IGSF11: variants seen among roughly 807,000 people sequenced by gnomAD.
IGSF11 encodes CXADR like 1.
Under a neutral mutation model 41.0 loss-of-function variants are expected in IGSF11, and 22 were observed. The observed-to-expected ratio is 0.54, with a 90% CI of 0.38 to 0.77. The LOEUF (loss-of-function observed/expected upper bound fraction) is 0.77, where lower values mean the gene tolerates loss of function less well. Ranked by LOEUF, IGSF11 falls within the 30% of genes least tolerant of loss-of-function variation. The pLI, the probability that IGSF11 is intolerant of heterozygous loss-of-function variation, is 0.00. For missense variants in IGSF11, 444 were observed against 530.8 expected, an observed-to-expected ratio of 0.84 and a Z score of 1.61; for synonymous variants, 219 against 201.3, an observed-to-expected ratio of 1.09 and a Z score of -0.74.
chr3:118,975,705 A>G (rs1439527945), intron 1 of IGSF11, among the ~76,000 whole-genome samples: 1 of 152,148 alleles, frequency 6.6e-6, no homozygotes, highest in African/African-American at 2.4e-5. Flanking sequence ...GAATGATATC[A>G]TGTCCTTTGC....
chr3:119,014,323 A>ATTTTTT (rs1451532482), intron 1 of IGSF11, among the ~76,000 whole-genome samples: 19 of 152,356 alleles, frequency 1.2e-4, no homozygotes, highest in African/African-American at 4.6e-4. Flanking sequence ...AGCTACAGGC[A>ATTTTTT]ATGTATCCAA....
chr3:119,114,135 G>C (rs566914215), intron 1 of IGSF11, among the ~76,000 whole-genome samples: 1 of 152,218 alleles, frequency 6.6e-6, no homozygotes, highest in Non-Finnish European at 1.5e-5. Context: ...GGGAGGGGCT[G>C]CTGCAAAGGT....
intron 1 of IGSF11, among the ~76,000 whole-genome samples, chr3:119,046,115 T>C (rs1249465502): frequency 1.3e-5 from 2 of 151,122 alleles, no homozygotes; most frequent in Non-Finnish European, 2.9e-5. Flanking sequence ...ACGCAGCTCC[T>C]CACCAGCAAC....
chr3:119,113,795 T>C (rs1402428690), intron 1 of IGSF11, among the ~76,000 whole-genome samples: 1 of 152,240 alleles, frequency 6.6e-6, no homozygotes. Flanking sequence ...ACTGCCCTAG[T>C]AGAGGTTCTC....
At chr3:119,008,432 A>C (rs575451262) in intron 1 of IGSF11, among the ~76,000 whole-genome samples, 1 of 152,330 alleles carries the variant, frequency 6.6e-6, no homozygotes, top group East Asian at 1.9e-4. Context: ...GCACTATAGT[A>C]CACAGTCTAA....
intron 1 of IGSF11, among the ~76,000 whole-genome samples, chr3:119,126,796 A>C (rs2077410286): frequency 6.6e-6 from 1 of 151,536 alleles, no homozygotes; most frequent in South Asian, 2.1e-4. Context: ...CTGACTATTG[A>C]AAGAAAAACA....
rs1938971145 is a variant in IGSF11 at position 118,902,400 on chromosome 3, G to A, written c.*120C>T. The stretch of plus-strand genomic sequence containing the variant: ...AAGTAACAGCACTGCCTTCTTCTTT[G>A]TGCATTTTACTAATATAATTATAAG... On this transcript the variant is annotated 3_prime_UTR_variant, in exon 7 of 7. Transcript: ENST00000393775. 5 of 780,654 alleles carry A rather than the reference G, an allele frequency of 6.4e-6. No homozygotes were observed. Among genetic ancestry groups the A allele is most frequent in the Non-Finnish European group, 1.0e-5 (5 of 482,202 alleles). 48.4% of individuals were successfully genotyped at this position (780,654 alleles called of 1,614,324 possible).
intron 1 of IGSF11, among the ~76,000 whole-genome samples, chr3:119,061,205 C>A (rs1444778259): frequency 6.6e-6 from 1 of 152,120 alleles, no homozygotes; most frequent in Non-Finnish European, 1.5e-5. Context: ...ACCATGTATT[C>A]TTAAAGAAAG....
At chr3:119,043,984 T>A (rs577499791) in intron 1 of IGSF11, among the ~76,000 whole-genome samples, 1 of 152,268 alleles carries the variant, frequency 6.6e-6, no homozygotes, top group South Asian at 2.1e-4. Context: ...GCAGTTCTGA[T>A]AATATGACAA....
At chr3:118,936,915 C>G (rs1943326124) in intron 1 of IGSF11, among the ~76,000 whole-genome samples, 1 of 152,226 alleles carries the variant, frequency 6.6e-6, no homozygotes, top group South Asian at 2.1e-4. Flanking sequence ...TTACTGTGAT[C>G]TGCCTACTAC....
In IGSF11 at chr3:118,904,762, A is replaced by G. The variant is rs767987786; in HGVS notation, c.740T>C (p.Ile247Thr). The change falls in exon 6 of 7, where the codon ATT becomes ACT. Residue 247 changes from isoleucine to threonine, a missense_variant. Ile to Thr is a moderately conservative substitution (Grantham distance 89, BLOSUM62 -1). Around this residue, in one of 3 missense-constraint regions of IGSF11, gnomAD observed 223 missense variants for 226.2 expected, o/e 0.99. Coordinates refer to ENST00000393775, the MANE Select transcript of IGSF11 (RefSeq NM_001015887.3). The stretch of plus-strand genomic sequence containing the variant: ...AATGATAATAACTGCACCAGTGCCA[A>G]TGGCTCCAGCTATTAGTCCAATGTT... ...PRNIGLIAGA[I>T]GTGAVIIIFC... 3.7e-6 allele frequency: 6 copies of G among 1,613,372 alleles called. No individual in the cohort carries two copies. In the East Asian group the frequency reaches 8.9e-5, roughly 24 times the overall value.
Position 119,034,822 on chromosome 3 carries a change from T to A in IGSF11, c.-240A>T. The A allele has an allele frequency of 1.6e-6, 2 of 1,255,862 alleles. No homozygotes were observed. Among genetic ancestry groups the A allele is most frequent in the Admixed American group, 4.2e-5 (1 of 24,004 alleles). The allele number at this position is 1,255,862 out of a possible 1,614,324, so 77.8% of individuals were successfully genotyped here. ...AGAGGCGTTCCGGGCTCGCCAGCCGTGCCACCCAGCCCTGCCCCAGGACTA... is the reference window on the plus strand; with the variant it reads ...AGAGGCGTTCCGGGCTCGCCAGCCGAGCCACCCAGCCCTGCCCCAGGACTA... On this transcript the variant is annotated 5_prime_UTR_variant, in exon 1 of 7. Coordinates refer to ENST00000393775, the MANE Select transcript of IGSF11 (RefSeq NM_001015887.3).
upstream of IGSF11, among the ~76,000 whole-genome samples, chr3:119,105,740 T>C (rs6792631): frequency 0.99 from 150,556 of 152,252 alleles, 74,458 homozygotes; most frequent in Middle Eastern, 1. Context: ...TTACTGATTT[T>C]TTTCCTCAAT....
intron 1 of IGSF11, among the ~76,000 whole-genome samples, chr3:119,061,410 C>T (rs1942047092): frequency 6.6e-6 from 1 of 152,158 alleles, no homozygotes; most frequent in Admixed American, 6.5e-5. Context: ...GAATCCGGTG[C>T]CATAGACATG....
intron 1 of IGSF11, among the ~76,000 whole-genome samples, chr3:119,022,359 C>A (rs780817192): frequency 9.2e-5 from 14 of 152,206 alleles, no homozygotes; most frequent in Non-Finnish European, 1.6e-4. Context: ...GATAGCTGCA[C>A]AACACTGTGA....
At chr3:118,965,713 A>G (rs915408539) in intron 1 of IGSF11, among the ~76,000 whole-genome samples, 4 of 152,108 alleles carry the variant, frequency 2.6e-5, no homozygotes, top group African/African-American at 9.7e-5. Flanking sequence ...AGCAGATGTG[A>G]GCTCTCAGTG....
At chr3:119,027,713 A>C (rs1939957965) in intron 1 of IGSF11, among the ~76,000 whole-genome samples, 1 of 152,200 alleles carries the variant, frequency 6.6e-6, no homozygotes, top group Non-Finnish European at 1.5e-5. Context: ...GTCCTCAATA[A>C]TCTTTAAAGC....
chr3:119,142,519 G>A (rs551840680), intron 1 of IGSF11, among the ~76,000 whole-genome samples: 1 of 152,098 alleles, frequency 6.6e-6, no homozygotes, highest in Admixed American at 6.5e-5. Context: ...CAAAGAGCTA[G>A]GGGAAGATAG....
intron 1 of IGSF11, among the ~76,000 whole-genome samples, chr3:119,103,389 T>C: frequency 6.6e-6 from 1 of 152,136 alleles, no homozygotes. Flanking sequence ...CCTTCTTTTT[T>C]TTTTTATACT....
Sources: allele counts gnomAD v4.1 joint callset (sites outside exome capture counted in the v4.1 genomes callset), GRCh38; gene constraint gnomAD v4.1.1; regional missense constraint gnomAD v4.1.1; transcripts MANE v1.5; gene names NCBI Gene and HGNC (gene_info 2026-07-23, HGNC 2026-07-21).